The following CNOT1 variants were observed in gnomAD, a reference collection of about 807,000 sequenced individuals.
CNOT1 encodes the protein CCR4-associated factor 1.
A neutral mutation model predicts 273.8 loss-of-function variants in CNOT1; 15 were observed. The ratio of observed to expected loss-of-function variants is 0.05; its 90% CI spans 0.04 to 0.08. The LOEUF is 0.08. Ranked by LOEUF, CNOT1 falls within the 10% of genes least tolerant of loss-of-function variation. The pLI is 1.00. For synonymous variants in CNOT1, 1,022 were observed against 1,005.5 expected (o/e 1.02, Z -0.31); for missense variants, 1,644 against 2,912.2 (o/e 0.56, Z 10.02).
intron 2 of CNOT1, among the ~76,000 whole-genome samples, chr16:58,590,632 G>A (rs1351736279): frequency 6.6e-6 from 1 of 152,078 alleles, no homozygotes; most frequent in Admixed American, 6.6e-5. Context: ...GGGTGCAGTG[G>A]CTTACACCTG....
At position 58,551,133 on chromosome 16, in the gene CNOT1, T is replaced by C; in HGVS notation, c.3341A>G (p.Lys1114Arg). Residue 1114 changes from lysine to arginine, a missense_variant and splice_region_variant, in exon 24 of 49, where the codon AAG (lysine) becomes AGG (arginine). By Grantham distance (26) the Lys-to-Arg change is conservative (BLOSUM62 2). This residue lies in a region of CNOT1 where 124 missense variants were observed against 289.3 expected (regional missense o/e 0.43). Coordinates refer to ENST00000317147, the MANE Select transcript of CNOT1 (RefSeq NM_016284.5). ...TATAAACTATGACAGCATGCTCACC[T>C]TTTGTGTCATATTTGACTGTGAGAG... ...NNLSQSNMTQ[K>R]VEELKETVKE... 1 of 1,607,450 alleles carries C rather than the reference T, an allele frequency of 6.2e-7. No individual in the cohort carries two copies. The highest frequency in any genetic ancestry group is 8.5e-7 in the Non-Finnish European group (1 of 1,178,434).
intron 2 of CNOT1, among the ~76,000 whole-genome samples, chr16:58,595,231 C>T (rs7189568): frequency 0.75 from 114,173 of 151,696 alleles, 43,367 homozygotes; most frequent in Middle Eastern, 0.86. Context: ...AGTCAGATCA[C>T]ATTTTATAAT....
chr16:58,599,633 G>C lies in CNOT1; in HGVS notation c.-174-122C>G, dbSNP rs182953252. The stretch of plus-strand genomic sequence containing the variant: ...ACAACTAGTTGCAAATTAATAATTA[G>C]AAGAGAATAGGGTTAAACTACCATC... On this transcript the variant is annotated intron_variant, in intron 1 of 48. Transcript: ENST00000317147. 2,432 of 457,514 alleles carry C rather than the reference G, an allele frequency of 5.3e-3. 16 individuals carry two copies. Among genetic ancestry groups the C allele is most frequent in the Non-Finnish European group, 8.0e-3 (2,054 of 258,160 alleles). 28.3% of individuals were successfully genotyped at this position (457,514 alleles called of 1,614,324 possible).
At chr16:58,629,604 C>T (rs2043746756) in intron 1 of CNOT1, 124 bp downstream of exon 1, 1 of 152,804 alleles carries the variant, frequency 6.5e-6, no homozygotes, top group Non-Finnish European at 1.5e-5. Flanking sequence ...CCTCTCACTC[C>T]CTAGAGCTCC....
At position 58,547,336 on chromosome 16, in the gene CNOT1, C is replaced by A. The variant is rs2040289190; in HGVS notation, c.3640-40G>T. ...ATACTTTCAAAAGCGGGGAATATACCCCCCAAAATGGTATAACAAAACCAA... is the reference window on the plus strand; with the variant it reads ...ATACTTTCAAAAGCGGGGAATATACACCCCAAAATGGTATAACAAAACCAA... On this transcript the variant is annotated intron_variant, in intron 26 of 48. Coordinates refer to ENST00000317147, the MANE Select transcript of CNOT1 (RefSeq NM_016284.5). This position sits in a 1 kb window ranked among gnomAD's most constrained non-coding sequence, Gnocchi z 4.0. 1.2e-6 allele frequency: 2 copies of A among 1,602,298 alleles called. No individual in the cohort carries two copies. Among genetic ancestry groups the A allele is most frequent in the East Asian group, 2.2e-5 (1 of 44,704 alleles).
chr16:58,543,614 G>T lies in CNOT1; in HGVS notation c.4427C>A (p.Ala1476Asp). The T allele has an allele frequency of 6.2e-7, 1 of 1,614,192 alleles. No homozygotes were observed. The highest frequency in any genetic ancestry group is 1.1e-5 in the South Asian group (1 of 91,086). ...STNLKNSFAS[A>D]LRTASPQQRE... ...AGGAAATAGCCAACTTACACGAAGG[G>T]CTGAGGCAAAACTGTTTTTTAAGTT... Residue 1476 changes from alanine (A) to aspartate (D), a missense_variant, in exon 31 of 49, where the codon GCC becomes GAC. Physicochemically the swap from Ala to Asp is moderately radical, Grantham distance 126 (BLOSUM62 -2). Coordinates refer to ENST00000317147, the MANE Select transcript of CNOT1 (RefSeq NM_016284.5).
intron 1 of CNOT1, among the ~76,000 whole-genome samples, chr16:58,606,658 C>T (rs762018383): frequency 6.6e-6 from 1 of 151,992 alleles, no homozygotes; most frequent in Non-Finnish European, 1.5e-5. Context: ...CAAAAACTAG[C>T]CAGGTGTGGT....
intron 1 of CNOT1, among the ~76,000 whole-genome samples, chr16:58,601,237 T>C (rs1349165928): frequency 1.3e-5 from 2 of 152,176 alleles, no homozygotes; most frequent in Non-Finnish European, 2.9e-5. Flanking sequence ...ATTACAAGCA[T>C]GAGCCATGGA....
At chr16:58,536,901 A>C (rs1018480502) in intron 39 of CNOT1, 88 bp downstream of exon 39, 84 of 1,526,224 alleles carry the variant, frequency 5.5e-5, no homozygotes, top group Non-Finnish European at 6.9e-5. Context: ...CTGTCTGACC[A>C]CATGTACGCA....
At chr16:58,521,630 AAGTT>A (rs953856517) in intron 47 of CNOT1, among the ~76,000 whole-genome samples, 1 of 152,166 alleles carries the variant, frequency 6.6e-6, no homozygotes, top group Non-Finnish European at 1.5e-5. Flanking sequence ...ATGGCACACA[AAGTT>A]AGTACAAAAA....
chr16:58,530,446 T>C, intron 42 of CNOT1, 99 bp from the exon 43 acceptor site: 1 of 753,276 alleles, frequency 1.3e-6, no homozygotes, highest in East Asian at 2.6e-5. Flanking sequence ...TTCTTCATGC[T>C]AATATAAGTA....
At chr16:58,539,679 CA>C (rs1684545043) in intron 35 of CNOT1, 88 bp downstream of exon 35, 2 of 1,280,952 alleles carry the variant, frequency 1.6e-6, no homozygotes, top group Non-Finnish European at 2.1e-6. Flanking sequence ...AAATCTTAAG[CA>C]TAACTGCATA....
chr16:58,586,562 A>T lies in CNOT1; in HGVS notation c.620T>A (p.Leu207His). The T allele has an allele frequency of 6.2e-7, 1 of 1,611,218 alleles. No individual in the cohort carries two copies. Among genetic ancestry groups the T allele is most frequent in the East Asian group, 2.2e-5 (1 of 44,746 alleles). The change falls in exon 7 of 49, where the codon CTT becomes CAT. Residue 207 changes from leucine (L) to histidine (H), a missense_variant. Leu to His is a moderately conservative substitution (Grantham distance 99, BLOSUM62 -3). Coordinates refer to ENST00000317147, the MANE Select transcript of CNOT1 (RefSeq NM_016284.5). Reference protein sequence around the residue: ...GVGQEQIDAFLKTLRRDFPQE... With the variant: ...GVGQEQIDAFHKTLRRDFPQE... ...TCCCTTACCTCTGCGCAGCGTCTTA[A>T]GAAAAGCGTCTATCTGTTCTTGTCC...
At chr16:58,539,480 C>CACACAGACACACACACACAG (rs1555494953) in intron 35 of CNOT1, among the ~76,000 whole-genome samples, 1 of 148,584 alleles carries the variant, frequency 6.7e-6, no homozygotes, top group Non-Finnish European at 1.5e-5. Context: ...CACACACACA[C>CACACAGACACACACACACAG]ACACACACAC....
chr16:58,557,689 G>GA (rs1266944802), intron 18 of CNOT1, among the ~76,000 whole-genome samples: 1 of 151,980 alleles, frequency 6.6e-6, no homozygotes, highest in African/African-American at 2.4e-5. Context: ...CAATATCTGG[G>GA]AAAAAAACTG....
chr16:58,575,223 A>G (rs2041417432), intron 14 of CNOT1, 94 bp from the exon 15 acceptor site: 2 of 1,520,300 alleles, frequency 1.3e-6, no homozygotes. Flanking sequence ...AAACAAGTTC[A>G]AATAAAACAC....
intron 2 of CNOT1, among the ~76,000 whole-genome samples, chr16:58,592,386 T>A (rs2042093511): frequency 6.6e-6 from 1 of 152,006 alleles, no homozygotes; most frequent in South Asian, 2.1e-4. Context: ...AAATACTGAG[T>A]GGCTGTAAAA....
chr16:58,550,402 C>T (rs76818392), intron 24 of CNOT1, among the ~76,000 whole-genome samples: 2,033 of 152,204 alleles, frequency 0.013, 34 homozygotes, highest in African/African-American at 0.047. Context: ...CCAAGACCTC[C>T]TCTTCTCCTC....
intron 16 of CNOT1, among the ~76,000 whole-genome samples, chr16:58,565,968 TTTTGTAGAATGTCCCTTGA>T (rs150187591): frequency 0.015 from 2,261 of 151,966 alleles, 45 homozygotes; most frequent in African/African-American, 0.052. Context: ...AAGTCAGTTG[TTTTGTAGAATGTCCCTTGA>T]TTTGAGTTTG....
Sources: allele counts gnomAD v4.1 joint callset (sites outside exome capture counted in the v4.1 genomes callset), GRCh38; gene constraint gnomAD v4.1.1; regional missense constraint gnomAD v4.1.1; non-coding constraint Gnocchi (gnomAD v3.1); transcripts MANE v1.5; gene names NCBI Gene and HGNC (gene_info 2026-07-23, HGNC 2026-07-21).